Variants in CDH13 observed in about 807,000 individuals in gnomAD.
CDH13 encodes the protein cadherin 13, also known as cadherin-13.
Under a neutral mutation model 63.8 loss-of-function variants are expected in CDH13, and 24 were observed. The observed-to-expected ratio is 0.38, with a 90% CI of 0.27 to 0.53. The LOEUF (loss-of-function observed/expected upper bound fraction) is 0.53. Ranked by LOEUF, CDH13 falls within the 20% of genes least tolerant of loss-of-function variation. The pLI, the probability that CDH13 is intolerant of heterozygous loss-of-function variation, is 0.85. For synonymous variants in CDH13, 503 were observed against 355.3 expected (o/e 1.42, Z -4.67); for missense variants, 1,049 against 903.1 (o/e 1.16, Z -2.07).
At chr16:83,079,932 A>G (rs897405670) in intron 3 of CDH13, among the ~76,000 whole-genome samples, 2 of 152,262 alleles carry the variant, frequency 1.3e-5, no homozygotes, top group African/African-American at 4.8e-5. Flanking sequence ...GACAATGTCA[A>G]CTGGATAAAG....
At chr16:82,918,471 A>G (rs2042059051) in intron 2 of CDH13, among the ~76,000 whole-genome samples, 1 of 147,434 alleles carries the variant, frequency 6.8e-6, no homozygotes, top group Non-Finnish European at 1.5e-5. Context: ...TAGAAATAGG[A>G]TGTCTCTCTG....
intron 5 of CDH13, among the ~76,000 whole-genome samples, chr16:83,314,629 T>C (rs2090069215): frequency 6.6e-6 from 1 of 152,188 alleles, no homozygotes; most frequent in African/African-American, 2.4e-5. Context: ...GGGGCTCAGC[T>C]GAAGGTCAGC....
intron 1 of CDH13, among the ~76,000 whole-genome samples, chr16:82,691,655 T>G (rs1238392060): frequency 6.6e-6 from 1 of 152,140 alleles, no homozygotes. Context: ...ATAAGCCTGT[T>G]GTACTATTAG....
chr16:82,671,159 A>G (rs1306270951), intron 1 of CDH13, among the ~76,000 whole-genome samples: 1 of 152,250 alleles, frequency 6.6e-6, no homozygotes, highest in African/African-American at 2.4e-5. Context: ...TACAGCTAAC[A>G]TTCTTTAAGT....
At chr16:82,947,478 T>C (rs1040212696) in intron 2 of CDH13, among the ~76,000 whole-genome samples, 3 of 152,198 alleles carry the variant, frequency 2.0e-5, no homozygotes, top group African/African-American at 7.2e-5. Flanking sequence ...ACTACGATAA[T>C]TATCTTAATT....
At chr16:83,499,125 G>A (rs76836533) in intron 7 of CDH13, among the ~76,000 whole-genome samples, 1 of 152,164 alleles carries the variant, frequency 6.6e-6, no homozygotes, top group Non-Finnish European at 1.5e-5. Flanking sequence ...CAAATGAAAT[G>A]GCCAACCAGT....
At chr16:83,075,552 G>A (rs959894808) in intron 3 of CDH13, among the ~76,000 whole-genome samples, 11 of 152,312 alleles carry the variant, frequency 7.2e-5, no homozygotes, top group Non-Finnish European at 1.2e-4. Context: ...CATCCAGTGC[G>A]TACCTTGTTC....
At chr16:83,322,617 C>G (rs1406498594) in intron 5 of CDH13, among the ~76,000 whole-genome samples, 1 of 152,136 alleles carries the variant, frequency 6.6e-6, no homozygotes, top group Non-Finnish European at 1.5e-5. Context: ...CACGGGCCAT[C>G]ATAGAGGTCT....
At chr16:83,613,994 C>G (rs1909077077) in intron 8 of CDH13, among the ~76,000 whole-genome samples, 1 of 152,078 alleles carries the variant, frequency 6.6e-6, no homozygotes, top group Non-Finnish European at 1.5e-5. Context: ...TCTGCTAACT[C>G]CAGCATCCAT....
intron 4 of CDH13, among the ~76,000 whole-genome samples, chr16:83,130,373 C>T (rs1204289703): frequency 2.0e-5 from 3 of 152,200 alleles, no homozygotes; most frequent in South Asian, 2.1e-4. Flanking sequence ...GTGCTCTTAA[C>T]CAGTATCCTC....
At chr16:83,420,254 G>A (rs2071677226) in intron 6 of CDH13, among the ~76,000 whole-genome samples, 1 of 152,162 alleles carries the variant, frequency 6.6e-6, no homozygotes, top group East Asian at 1.9e-4. Flanking sequence ...AAATATGACT[G>A]AGGTAGTCAC....
chr16:83,180,204 A>G (rs567793192), intron 4 of CDH13, among the ~76,000 whole-genome samples: 1 of 152,288 alleles, frequency 6.6e-6, no homozygotes, highest in Non-Finnish European at 1.5e-5. Flanking sequence ...TCTTCATCAC[A>G]TAGCCCTAAA....
chr16:82,751,613 C>G (rs959775952), intron 1 of CDH13, among the ~76,000 whole-genome samples: 1 of 151,868 alleles, frequency 6.6e-6, no homozygotes, highest in African/African-American at 2.4e-5. Flanking sequence ...CAGACTTATC[C>G]TTCATATATT....
chr16:83,330,280 C>T (rs2090453304), intron 5 of CDH13, among the ~76,000 whole-genome samples: 1 of 152,276 alleles, frequency 6.6e-6, no homozygotes, highest in South Asian at 2.1e-4. Flanking sequence ...GTATAAATGC[C>T]AATATCCTGC....
chr16:83,500,020 C>A (rs1167347338), intron 7 of CDH13, among the ~76,000 whole-genome samples: 1 of 151,954 alleles, frequency 6.6e-6, no homozygotes, highest in East Asian at 1.9e-4. Flanking sequence ...CCAGGCTGGT[C>A]TTGAACTCAT....
At chr16:83,234,363 G>A (rs558862478) in intron 5 of CDH13, among the ~76,000 whole-genome samples, 51 of 152,180 alleles carry the variant, frequency 3.4e-4, no homozygotes, top group African/African-American at 1.0e-3. Context: ...CTTTCCATTC[G>A]TTGCTTAGCA....
intron 1 of CDH13, among the ~76,000 whole-genome samples, chr16:82,750,277 T>C (rs1436948194): frequency 2.6e-5 from 4 of 152,140 alleles, no homozygotes; most frequent in African/African-American, 9.7e-5. Flanking sequence ...ACATCCTGAC[T>C]AAATGGGTGG....
intron 1 of CDH13, among the ~76,000 whole-genome samples, chr16:82,782,265 A>G (rs549538442): frequency 6.6e-6 from 1 of 152,310 alleles, no homozygotes; most frequent in Admixed American, 6.5e-5. Context: ...GAAAGGAGAA[A>G]AGAGTAAACA....
chr16:83,374,649 C>G (rs943933657), intron 6 of CDH13, among the ~76,000 whole-genome samples: 1 of 152,172 alleles, frequency 6.6e-6, no homozygotes, highest in Non-Finnish European at 1.5e-5. Flanking sequence ...GCGGAAGAAG[C>G]TTAAAGAAAG....
Sources: allele counts gnomAD v4.1 joint callset (sites outside exome capture counted in the v4.1 genomes callset), GRCh38; gene constraint gnomAD v4.1.1; transcripts MANE v1.5; gene names NCBI Gene and HGNC (gene_info 2026-07-23, HGNC 2026-07-21).